The following AXL variants were observed in gnomAD, a reference collection of about 807,000 sequenced individuals.
AXL encodes the protein AXL receptor tyrosine kinase.
A neutral mutation model predicts 104.5 loss-of-function variants in AXL; 52 were observed. The observed-to-expected ratio is 0.50, with a 90% CI of 0.40 to 0.63. AXL has a LOEUF of 0.63. AXL is among the 20% of genes least tolerant of loss of function. The pLI is 0.00. For missense variants in AXL, 1,024 were observed against 1,188.5 expected, an observed-to-expected ratio of 0.86 and a Z score of 2.04; for synonymous variants, 455 against 473.7, an observed-to-expected ratio of 0.96 and a Z score of 0.51.
chr19:41,236,100 G>A (rs968082359), intron 6 of AXL, among the ~76,000 whole-genome samples: 17 of 152,012 alleles, frequency 1.1e-4, no homozygotes, highest in Admixed American at 7.9e-4. Context: ...GGAGGCCGAG[G>A]GGGGCGGATC....
At chr19:41,256,008 G>A (rs2034446503) in intron 17 of AXL, among the ~76,000 whole-genome samples, 1 of 152,156 alleles carries the variant, frequency 6.6e-6, no homozygotes, top group South Asian at 2.1e-4. Flanking sequence ...GCCTCCCAGA[G>A]TGCTGGGATT....
Position 41,238,575 on chromosome 19 carries a change from A to G in AXL, c.1100A>G (p.Tyr367Cys). Reference protein sequence around the residue: ...RAPLQGTLLGYRLAYQGQDTP... With the variant: ...RAPLQGTLLGCRLAYQGQDTP... Reference sequence around the variant, plus strand: ...CCCCTGCAGGGTACCCTGTTAGGGTACCGGCTGGCGTATCAAGGCCAGGAC... The same window carrying G: ...CCCCTGCAGGGTACCCTGTTAGGGTGCCGGCTGGCGTATCAAGGCCAGGAC... Residue 367 changes from tyrosine to cysteine, a missense_variant, in exon 8 of 20, where the codon TAC becomes TGC. By Grantham distance (194) the Tyr-to-Cys change is radical (BLOSUM62 -2). This residue lies in a region of AXL where 332 missense variants were observed against 343.9 expected (regional missense o/e 0.97). Transcript: ENST00000301178. 2.5e-6 allele frequency: 4 copies of G among 1,613,148 alleles called. No homozygotes were observed. Among genetic ancestry groups the G allele is most frequent in the Non-Finnish European group, 3.4e-6 (4 of 1,179,480 alleles).
At chr19:41,244,620 C>T (rs2034241318) in intron 12 of AXL, among the ~76,000 whole-genome samples, 1 of 152,126 alleles carries the variant, frequency 6.6e-6, no homozygotes, top group Non-Finnish European at 1.5e-5. Context: ...GCTGGGATTA[C>T]AAGTGCATGG....
At chr19:41,230,546 C>A (rs1408165980) in intron 4 of AXL, among the ~76,000 whole-genome samples, 1 of 128,336 alleles carries the variant, frequency 7.8e-6, no homozygotes, top group African/African-American at 3.0e-5. Flanking sequence ...GTCTGTGTGT[C>A]TGTGTGTATG....
chr19:41,239,633 C>G (rs756018703), intron 9 of AXL, 61 bp from the exon 10 acceptor site: 20 of 1,605,130 alleles, frequency 1.2e-5, no homozygotes, highest in Non-Finnish European at 1.7e-5. Context: ...ACTCCCTTAC[C>G]CGTGCCACGC....
At chr19:41,258,660 C>A (rs2034490697) in intron 19 of AXL, among the ~76,000 whole-genome samples, 1 of 152,210 alleles carries the variant, frequency 6.6e-6, no homozygotes, top group Non-Finnish European at 1.5e-5. Context: ...TCATGATCCA[C>A]CCGTCCCAGC....
chr19:41,246,068 C>T (rs1273386644), intron 12 of AXL, among the ~76,000 whole-genome samples: 1 of 152,190 alleles, frequency 6.6e-6, no homozygotes, highest in East Asian at 1.9e-4. Context: ...GCATTCAGCG[C>T]AGTTTTCCAG....
Position 41,239,307 on chromosome 19 carries a change from G to A in AXL, c.1278G>A (p.Trp426Ter), listed in dbSNP as rs1417369748. 1.9e-6 allele frequency: 3 copies of A among 1,576,368 alleles called. No individual in the cohort carries two copies. Among genetic ancestry groups the A allele is most frequent in the Admixed American group, 3.7e-5 (2 of 54,294 alleles). The stretch of plus-strand genomic sequence containing the variant: ...GCCTCCCAGTACCCCTGGAGGCCTG[G>A]CGCCCAGGTAAGTCCAAAGCCATGC... ...PWSLPVPLEAWRPGQAQPVHQ... is the reference protein window; with the variant it reads ...PWSLPVPLEA The change falls in exon 9 of 20, where the codon TGG (tryptophan) becomes TGA (stop). Residue 426 changes from tryptophan (W) to a stop codon, truncating the protein, a stop_gained. Transcript: ENST00000301178. LOFTEE classifies it high-confidence loss of function.
Position 41,259,464 on chromosome 19 carries a change from CCT to C in AXL, c.2334-88_2334-87del, listed in dbSNP as rs1247189220. 26 of 1,166,300 alleles carry C rather than the reference CCT, an allele frequency of 2.2e-5. No individual in the cohort carries two copies. In the African/African-American group the frequency reaches 2.3e-4, roughly 10 times the overall value. 72.2% of individuals were successfully genotyped at this position (1,166,300 alleles called of 1,614,324 possible). A position where few individuals can be genotyped will look rare whatever the true frequency, so the allele number is the denominator to read the frequency against. On this transcript the variant is annotated intron_variant, in intron 19 of 19. Transcript: ENST00000301178. Reference sequence around the variant, plus strand: ...TAACCCTCTAAAATGCCCCCAGTCCCCTGAGTGTCCTAAAATGTCCCCAGGCT... The same window carrying C: ...TAACCCTCTAAAATGCCCCCAGTCCCGAGTGTCCTAAAATGTCCCCAGGCT...
At chr19:41,223,523 G>A (rs1413881301) in intron 4 of AXL, among the ~76,000 whole-genome samples, 1 of 152,166 alleles carries the variant, frequency 6.6e-6, no homozygotes, top group Non-Finnish European at 1.5e-5. Context: ...AAAGGAAGGA[G>A]GCTGCAGCCT....
At chr19:41,255,830 C>T (rs752813860) in intron 17 of AXL, among the ~76,000 whole-genome samples, 1 of 152,126 alleles carries the variant, frequency 6.6e-6, no homozygotes, top group Non-Finnish European at 1.5e-5. Context: ...CTGCAACCTC[C>T]GCCTACTGGG....
chr19:41,252,790 G>A (rs1435321105), intron 15 of AXL, 56 bp from the exon 16 acceptor site: 1 of 1,607,492 alleles, frequency 6.2e-7, no homozygotes, highest in Non-Finnish European at 8.5e-7. Flanking sequence ...GGCTGGTGGG[G>A]GGCTTGGCTT....
intron 7 of AXL, 86 bp downstream of exon 7, chr19:41,238,240 C>G: frequency 6.6e-7 from 1 of 1,507,742 alleles, no homozygotes; most frequent in African/African-American, 1.4e-5. Context: ...CCCTTTCACT[C>G]CTTTACCCCT....
chr19:41,259,942 G>T lies in AXL; in HGVS notation c.*38G>T. 1 of 1,493,154 alleles carries T rather than the reference G, an allele frequency of 6.7e-7. No individual in the cohort carries two copies. 92.5% of individuals were successfully genotyped at this position (1,493,154 alleles called of 1,614,324 possible). On this transcript the variant is annotated 3_prime_UTR_variant, in exon 20 of 20. Transcript: ENST00000301178. ...CCTGGTACTCCCTCTCAGGATCCAA[G>T]CTAAGCACTGCCACTGGGGAAAACT...
Position 41,233,732 on chromosome 19 carries a change from ATCC to A in AXL, c.783+2441_783+2443del, listed in dbSNP as rs558514998. 6.1e-3 allele frequency among the ~76,000 whole-genome samples: 901 copies of A among 148,850 alleles called. 7 individuals carry two copies. The highest frequency in any genetic ancestry group is 9.8e-3 in the Non-Finnish European group (655 of 67,146). ...CCCTCTCTGGGCCTCAGTTCCTCCC[ATCC>A]TCCTCCCCTCCCCGGGGCTAGAAAG... On this transcript the variant is annotated intron_variant, in intron 6 of 19. Coordinates refer to ENST00000301178, the MANE Select transcript of AXL (RefSeq NM_021913.5).
chr19:41,233,588 C>A (rs577746765), intron 6 of AXL, among the ~76,000 whole-genome samples: 1 of 151,128 alleles, frequency 6.6e-6, no homozygotes, highest in Non-Finnish European at 1.5e-5. Context: ...CAGGATTGAA[C>A]CTCTGCTCTC....
At chr19:41,227,084 C>G (rs1366347495) in intron 4 of AXL, among the ~76,000 whole-genome samples, 1 of 152,062 alleles carries the variant, frequency 6.6e-6, no homozygotes, top group Non-Finnish European at 1.5e-5. Context: ...GGAGATAGAG[C>G]AAGAACCTGT....
Position 41,237,967 on chromosome 19 carries a change from G to A in AXL, c.807G>A (p.Met269Ile), listed in dbSNP as rs796712105. The change falls in exon 7 of 20, where the codon ATG becomes ATA. Residue 269 changes from methionine (M) to isoleucine (I), a missense_variant. Physicochemically the swap from Met to Ile is conservative, Grantham distance 10. This residue lies in a region of AXL where 332 missense variants were observed against 343.9 expected (regional missense o/e 0.97). Transcript: ENST00000301178. ...AGGCTGTGCTGTCAGACGATGGGAT[G>A]GGCATCCAGGCGGGAGAACCAGACC... ...TLQAVLSDDG[M>I]GIQAGEPDPP... The A allele has an allele frequency of 6.2e-7, 1 of 1,613,870 alleles. No individual in the cohort carries two copies. Among genetic ancestry groups the A allele is most frequent in the African/African-American group, 1.3e-5 (1 of 74,984 alleles).
At chr19:41,256,698 G>A (rs912343997) in intron 18 of AXL, 87 bp downstream of exon 18, 61 of 1,541,810 alleles carry the variant, frequency 4.0e-5, no homozygotes, top group African/African-American at 9.5e-5. Context: ...GTGGATGCAA[G>A]GGTCACAGGG....
Sources: gnomAD v4.1 joint callset for allele counts (sites outside exome capture counted in the v4.1 genomes callset) on GRCh38, gnomAD v4.1.1 for gene constraint, gnomAD v4.1.1 regional missense constraint, MANE v1.5 for transcripts, NCBI Gene and HGNC (gene_info 2026-07-23, HGNC 2026-07-21) for gene names.